Variants in GRIK1 observed in about 807,000 individuals in gnomAD.
The protein encoded by GRIK1 is glutamate receptor ionotropic, kainate 1.
In GRIK1, 69 loss-of-function variants were observed where a neutral mutation model predicts 105.7. That is an observed-to-expected ratio of 0.65 (90% CI 0.54 to 0.80). The LOEUF is 0.80. Among genes scored for constraint, GRIK1 ranks in the 30% least tolerant of loss-of-function variants. The pLI, the probability that GRIK1 is intolerant of heterozygous loss-of-function variation, is 0.00. For synonymous variants in GRIK1, 438 were observed against 431.3 expected (o/e 1.02, Z -0.19); for missense variants, 1,109 against 1,167.3 (o/e 0.95, Z 0.73).
chr21:29,704,330 G>T (rs2063865138), intron 1 of GRIK1, among the ~76,000 whole-genome samples: 1 of 152,166 alleles, frequency 6.6e-6, no homozygotes, highest in Non-Finnish European at 1.5e-5. Context: ...CAAAAAGCCT[G>T]CTTTTTGTCT....
At position 29,874,083 on chromosome 21, in the gene GRIK1, T is replaced by C. The variant is rs1601914092; in HGVS notation, c.118+65300A>G. 2.6e-5 allele frequency among the ~76,000 whole-genome samples: 4 copies of C among 152,172 alleles called. 1 individual carries two copies. In the South Asian group the frequency reaches 8.3e-4, roughly 32 times the overall value. The stretch of plus-strand genomic sequence containing the variant: ...GATACTGCGAGTGACGGGGACTGAC[T>C]GTAAATACAGATGAAGATTCGCTCA... On this transcript the variant is annotated intron_variant, in intron 1 of 17. Coordinates refer to ENST00000327783, the MANE Select transcript of GRIK1 (RefSeq NM_001330994.2).
intron 1 of GRIK1, among the ~76,000 whole-genome samples, chr21:29,803,525 A>T (rs965429005): frequency 6.6e-6 from 1 of 152,090 alleles, no homozygotes; most frequent in Non-Finnish European, 1.5e-5. Context: ...TGGGGCTCTG[A>T]ACTTCAAAGA....
At chr21:29,828,515 T>G (rs982519948) in intron 1 of GRIK1, among the ~76,000 whole-genome samples, 1 of 152,172 alleles carries the variant, frequency 6.6e-6, no homozygotes, top group East Asian at 1.9e-4. Flanking sequence ...ATTATTTGTT[T>G]GTTTGAGACA....
At chr21:29,795,027 A>ATTTTTTTTT (rs1569102231) in intron 1 of GRIK1, among the ~76,000 whole-genome samples, 18 of 82,144 alleles carry the variant, frequency 2.2e-4, no homozygotes, top group African/African-American at 4.2e-4. Flanking sequence ...CTTTGCTCTA[A>ATTTTTTTTT]ATTTTTTTTT....
At chr21:29,885,952 A>G (rs2069609396) in intron 1 of GRIK1, among the ~76,000 whole-genome samples, 1 of 152,112 alleles carries the variant, frequency 6.6e-6, no homozygotes, top group Non-Finnish European at 1.5e-5. Context: ...AATTCAGAGG[A>G]AACATCAGGG....
chr21:29,918,394 GA>G (rs2071075665), intron 1 of GRIK1, among the ~76,000 whole-genome samples: 1 of 151,954 alleles, frequency 6.6e-6, no homozygotes, highest in Non-Finnish European at 1.5e-5. Context: ...TTACAGACAA[GA>G]AAATTGATGC....
chr21:29,735,846 CAAAA>C (rs34778018), intron 1 of GRIK1, among the ~76,000 whole-genome samples: 15 of 101,258 alleles, frequency 1.5e-4, no homozygotes, highest in Middle Eastern at 4.8e-3. Flanking sequence ...GACTCCGTCT[CAAAA>C]AAAAAAAAAA....
chr21:29,592,434 G>A (rs867877420), intron 9 of GRIK1, among the ~76,000 whole-genome samples: 1 of 152,206 alleles, frequency 6.6e-6, no homozygotes, highest in African/African-American at 2.4e-5. Context: ...GTGAGGTGGT[G>A]TAGAAGTGTA....
At chr21:29,785,091 C>T (rs1366300376) in intron 1 of GRIK1, among the ~76,000 whole-genome samples, 1 of 152,148 alleles carries the variant, frequency 6.6e-6, no homozygotes, top group Admixed American at 6.6e-5. Flanking sequence ...CCCTCCAATA[C>T]CTAGTTTTTC....
chr21:29,608,736 A>G (rs2146361267), intron 7 of GRIK1, among the ~76,000 whole-genome samples: 1 of 152,292 alleles, frequency 6.6e-6, no homozygotes, highest in East Asian at 1.9e-4. Context: ...CCTTTGTCAG[A>G]GAATGGCAGT....
intron 1 of GRIK1, among the ~76,000 whole-genome samples, chr21:29,801,720 C>A (rs1336322576): frequency 1.3e-5 from 2 of 152,094 alleles, no homozygotes; most frequent in African/African-American, 4.8e-5. Context: ...AACATAAACT[C>A]TTTATAAAAC....
intron 4 of GRIK1, among the ~76,000 whole-genome samples, chr21:29,656,426 AG>A (rs2062856148): frequency 6.7e-6 from 1 of 148,942 alleles, no homozygotes; most frequent in Non-Finnish European, 1.5e-5. Context: ...CACATTTCCA[AG>A]GTAGTTTTCC....
At chr21:29,831,912 AG>A (rs2067653352) in intron 1 of GRIK1, among the ~76,000 whole-genome samples, 1 of 152,170 alleles carries the variant, frequency 6.6e-6, no homozygotes, top group Admixed American at 6.5e-5. Flanking sequence ...ATCTGGGACA[AG>A]GTAAGTCCCT....
rs188344013 is a variant in GRIK1 at position 29,547,462 on chromosome 21, G to T, written c.2607+7590C>A. ...TCTACTAGAGTCAAACAATATTGTG[G>T]TTGGCAGAGAACTTCAAATGCAACC... On this transcript the variant is annotated intron_variant, in intron 16 of 17. Coordinates refer to ENST00000327783, the MANE Select transcript of GRIK1 (RefSeq NM_001330994.2). 1.5e-3 allele frequency among the ~76,000 whole-genome samples: 225 copies of T among 152,260 alleles called. 1 individual carries two copies. Among genetic ancestry groups the T allele is most frequent in the Admixed American group, 3.4e-3 (52 of 15,300 alleles).
intron 7 of GRIK1, among the ~76,000 whole-genome samples, chr21:29,607,399 TAA>T (rs374011528): frequency 3.2e-3 from 442 of 138,120 alleles, no homozygotes; most frequent in South Asian, 0.019. Flanking sequence ...CTCTGGAAAT[TAA>T]AAAAAAAAAA....
intron 7 of GRIK1, among the ~76,000 whole-genome samples, chr21:29,638,871 A>G (rs932660686): frequency 6.6e-6 from 1 of 152,340 alleles, no homozygotes; most frequent in East Asian, 1.9e-4. Context: ...TAGGCTATAC[A>G]TATAAAATAT....
intron 1 of GRIK1, among the ~76,000 whole-genome samples, chr21:29,837,510 G>A (rs1167204754): frequency 6.6e-6 from 1 of 152,122 alleles, no homozygotes; most frequent in East Asian, 1.9e-4. Context: ...CTGAGAAACT[G>A]AAGAATAGGA....
chr21:29,908,345 C>T (rs368069964), intron 1 of GRIK1, among the ~76,000 whole-genome samples: 41 of 152,194 alleles, frequency 2.7e-4, no homozygotes, highest in East Asian at 1.9e-3. Context: ...CCTTTTTCCC[C>T]TTGTTCCTCC....
In GRIK1 at chr21:29,861,333, G is replaced by T. The variant is rs552955384; in HGVS notation, c.118+78050C>A. Among the ~76,000 whole-genome samples, 4 of 151,956 alleles carry T rather than the reference G, an allele frequency of 2.6e-5. No homozygotes were observed. In the South Asian group the frequency reaches 8.3e-4, roughly 32 times the overall value. ...TCTTTTTTTTTCTTTTGGAGACAGG[G>T]TCTCACTCTGTCACCCAGGTTGGAG... On this transcript the variant is annotated intron_variant, in intron 1 of 17. Coordinates refer to ENST00000327783, the MANE Select transcript of GRIK1 (RefSeq NM_001330994.2).
Sources: gnomAD v4.1 joint callset for allele counts (sites outside exome capture counted in the v4.1 genomes callset) on GRCh38, gnomAD v4.1.1 for gene constraint, MANE v1.5 for transcripts, NCBI Gene and HGNC (gene_info 2026-07-23, HGNC 2026-07-21) for gene names.